Variants in ADCY2 observed in about 807,000 individuals in gnomAD.
ADCY2 encodes adenylate cyclase 2.
A neutral mutation model predicts 125.2 loss-of-function variants in ADCY2; 31 were observed. The observed-to-expected ratio is 0.25, with a 90% CI of 0.19 to 0.33. ADCY2 has a LOEUF of 0.33. Ranked by LOEUF, ADCY2 falls within the 10% of genes least tolerant of loss-of-function variation. The pLI is 1.00. For synonymous variants in ADCY2, 512 were observed against 548.4 expected (o/e 0.93, Z 0.93); for missense variants, 904 against 1,418.2 (o/e 0.64, Z 5.82).
chr5:7,801,416 C>A (rs1216498973), intron 20 of ADCY2: 3 of 152,232 alleles, frequency 2.0e-5, no homozygotes, highest in South Asian at 4.1e-4. Flanking sequence ...CACAGTGGCC[C>A]CGGCTAGTCT....
In ADCY2 at chr5:7,822,642, C is replaced by A. The variant is rs561652671; in HGVS notation, c.3123+1953C>A. Among the ~76,000 whole-genome samples, 10 of 152,304 alleles carry A rather than the reference C, an allele frequency of 6.6e-5. No individual in the cohort carries two copies. The South Asian group carries it at 1.9e-3, about 28-fold the overall frequency. ...ATCATCAGCAGCTGGAACACATACA[C>A]CTGATTGTACACAGTTCCAGACACC... is the stretch of plus-strand genomic sequence containing the variant. On this transcript the variant is annotated intron_variant, in intron 24 of 24. Coordinates refer to ENST00000338316, the MANE Select transcript of ADCY2 (RefSeq NM_020546.3).
chr5:7,555,852 G>GCACACACACA (rs1491359535), intron 3 of ADCY2, among the ~76,000 whole-genome samples: 50 of 127,484 alleles, frequency 3.9e-4, no homozygotes, highest in African/African-American at 1.3e-3. Flanking sequence ...ACACATGTGA[G>GCACACACACA]CGCACACACA....
intron 2 of ADCY2, among the ~76,000 whole-genome samples, chr5:7,472,451 A>G (rs1742376362): frequency 6.6e-6 from 1 of 152,134 alleles, no homozygotes; most frequent in Admixed American, 6.5e-5. Context: ...TATATTAATC[A>G]TAGACATTTT....
chr5:7,418,552 A>C (rs1445502017), intron 2 of ADCY2, among the ~76,000 whole-genome samples: 1 of 151,610 alleles, frequency 6.6e-6, no homozygotes, highest in African/African-American at 2.4e-5. Context: ...TGCCCCTCCT[A>C]GAGTCTGAAG....
intron 4 of ADCY2, among the ~76,000 whole-genome samples, chr5:7,667,567 G>T (rs1479416136): frequency 6.6e-6 from 1 of 152,130 alleles, no homozygotes; most frequent in African/African-American, 2.4e-5. Context: ...ACTTGTTCAG[G>T]AGTGAAAAGG....
At chr5:7,503,650 T>C (rs1324530981) in intron 2 of ADCY2, among the ~76,000 whole-genome samples, 1 of 152,178 alleles carries the variant, frequency 6.6e-6, no homozygotes, top group Non-Finnish European at 1.5e-5. Flanking sequence ...CTCATAGGAC[T>C]GTTGCACAGT....
intron 3 of ADCY2, among the ~76,000 whole-genome samples, chr5:7,563,949 G>A (rs1735810074): frequency 6.6e-6 from 1 of 152,142 alleles, no homozygotes; most frequent in Non-Finnish European, 1.5e-5. Context: ...TTTATCATAA[G>A]TACCATCCCA....
chr5:7,673,879 G>T (rs1461145971), intron 4 of ADCY2, among the ~76,000 whole-genome samples: 1 of 152,182 alleles, frequency 6.6e-6, no homozygotes. Context: ...AGGCATGTCT[G>T]TGAGGCCACT....
chr5:7,518,223 G>GGTA (rs1744319434), intron 2 of ADCY2, among the ~76,000 whole-genome samples: 1 of 152,124 alleles, frequency 6.6e-6, no homozygotes, highest in Non-Finnish European at 1.5e-5. Flanking sequence ...GTGTGCTGGT[G>GGTA]GTAGCTCTTA....
At chr5:7,414,527 G>A (rs755227707) in intron 1 of ADCY2, 46 bp from the exon 2 acceptor site, 2 of 1,487,046 alleles carry the variant, frequency 1.3e-6, no homozygotes, top group Non-Finnish European at 1.8e-6. Flanking sequence ...TGGTATCACA[G>A]TGTCTCTAAA....
intron 14 of ADCY2, among the ~76,000 whole-genome samples, chr5:7,736,383 T>C (rs1742253920): frequency 1.3e-5 from 2 of 152,230 alleles, no homozygotes; most frequent in African/African-American, 4.8e-5. Flanking sequence ...TAGTCAGTTT[T>C]GTGTGTCACA....
chr5:7,750,926 G>A (rs375484746), intron 15 of ADCY2, among the ~76,000 whole-genome samples: 1 of 151,764 alleles, frequency 6.6e-6, no homozygotes, highest in Non-Finnish European at 1.5e-5. Flanking sequence ...CTTGTGTTTT[G>A]TCTCTTCCCT....
At chr5:7,442,928 T>C (rs1381200734) in intron 2 of ADCY2, among the ~76,000 whole-genome samples, 1 of 152,214 alleles carries the variant, frequency 6.6e-6, no homozygotes, top group Non-Finnish European at 1.5e-5. Flanking sequence ...AATGTTCTTA[T>C]GTAGTTGATG....
chr5:7,441,456 G>A (rs1026389651), intron 2 of ADCY2, among the ~76,000 whole-genome samples: 3 of 151,656 alleles, frequency 2.0e-5, no homozygotes, highest in African/African-American at 7.3e-5. Flanking sequence ...AAAGTTAATG[G>A]ACATGTACAC....
At chr5:7,660,177 A>G (rs537299910) in intron 4 of ADCY2, among the ~76,000 whole-genome samples, 36 of 150,060 alleles carry the variant, frequency 2.4e-4, no homozygotes, top group African/African-American at 7.8e-4. Context: ...TACCTCCAGA[A>G]CTCAAAATAA....
At chr5:7,601,380 C>A (rs1256177194) in intron 3 of ADCY2, among the ~76,000 whole-genome samples, 2 of 152,166 alleles carry the variant, frequency 1.3e-5, no homozygotes, top group African/African-American at 4.8e-5. Flanking sequence ...GCATATACCT[C>A]AGGCCTCTGT....
At chr5:7,803,545 A>G (rs1561017453) in intron 21 of ADCY2, among the ~76,000 whole-genome samples, 1 of 152,186 alleles carries the variant, frequency 6.6e-6, no homozygotes, top group Non-Finnish European at 1.5e-5. Flanking sequence ...CTGAAAGCCT[A>G]ACTCAGCAGA....
intron 3 of ADCY2, among the ~76,000 whole-genome samples, chr5:7,611,896 T>C (rs1197932926): frequency 6.6e-6 from 1 of 152,206 alleles, no homozygotes; most frequent in Non-Finnish European, 1.5e-5. Context: ...GAGATGATTC[T>C]AGAAGTTGGA....
chr5:7,777,756 G>T (rs1319846018), intron 18 of ADCY2, among the ~76,000 whole-genome samples: 1 of 152,186 alleles, frequency 6.6e-6, no homozygotes, highest in African/African-American at 2.4e-5. Flanking sequence ...AAAAGGAGAA[G>T]TATGCACTAG....
Sources: gnomAD v4.1 joint callset for allele counts (sites outside exome capture counted in the v4.1 genomes callset) on GRCh38, gnomAD v4.1.1 for gene constraint, MANE v1.5 for transcripts, NCBI Gene and HGNC (gene_info 2026-07-23, HGNC 2026-07-21) for gene names.